Variants in C19orf44 observed in about 807,000 individuals in gnomAD.
C19orf44 encodes the protein uncharacterized protein C19orf44.
A neutral mutation model predicts 50.7 loss-of-function variants in C19orf44; 43 were observed. The observed-to-expected ratio is 0.85, with a 90% CI of 0.66 to 1.09. C19orf44 has a LOEUF of 1.09. Among genes scored for constraint, C19orf44 ranks in the 50% least tolerant of loss-of-function variants. C19orf44 has a pLI of 0.00. For synonymous variants in C19orf44, 298 were observed against 334.7 expected (o/e 0.89, Z 1.20); for missense variants, 722 against 836.2 (o/e 0.86, Z 1.68).
At position 16,503,414 on chromosome 19, in the gene C19orf44, G is replaced by A. The variant is rs2093431741; in HGVS notation, c.1075+34G>A. 1.9e-6 allele frequency: 3 copies of A among 1,576,948 alleles called. No homozygotes were observed. In the African/African-American group the frequency reaches 4.0e-5, roughly 21 times the overall value. On this transcript the variant is annotated intron_variant, in intron 3 of 8. Coordinates refer to ENST00000221671, the MANE Select transcript of C19orf44 (RefSeq NM_032207.4). ...AGTCCCGGTGCAAAGCCAGTACCTT[G>A]GGCAGGAAGGGTGGGGCCACCTTTA... is the stretch of plus-strand genomic sequence containing the variant.
At chr19:16,516,265 A>G (rs2093471412) in intron 7 of C19orf44, among the ~76,000 whole-genome samples, 1 of 152,102 alleles carries the variant, frequency 6.6e-6, no homozygotes, top group African/African-American at 2.4e-5. Flanking sequence ...GCAAGACTCC[A>G]TCTCTATTAA....
chr19:16,511,676 G>A lies in C19orf44; in HGVS notation c.1640-1338G>A, dbSNP rs547205392. Among the ~76,000 whole-genome samples the A allele has an allele frequency of 2.1e-3, 316 of 152,078 alleles. 1 individual carries two copies. Among genetic ancestry groups the A allele is most frequent in the African/African-American group, 7.4e-3 (307 of 41,506 alleles). ...GCCCACTGCCTCCTCCACCTCCTGG[G>A]TTTCAGCGATTCTCCCACCTCAGCC... On this transcript the variant is annotated intron_variant, in intron 5 of 8. Transcript: ENST00000221671.
rs750592976 is a variant in C19orf44, at chr19:16,501,266, TC to T, written c.476del (p.Pro159LeufsTer16). ...KTSQNQAREL[P>X]VTENNAQNAK... Reference sequence around the variant, plus strand: ...CTTCCCAGAATCAAGCCCGTGAACTTCCTGTCACCGAAAATAATGCACAGAA... The same window carrying T: ...CTTCCCAGAATCAAGCCCGTGAACTTCTGTCACCGAAAATAATGCACAGAA... On this transcript the variant is annotated frameshift_variant, in exon 2 of 9. Coordinates refer to ENST00000221671, the MANE Select transcript of C19orf44 (RefSeq NM_032207.4). LOFTEE classifies it high-confidence loss of function. The T allele has an allele frequency of 1.9e-6, 3 of 1,614,106 alleles. No individual in the cohort carries two copies. The highest frequency in any genetic ancestry group is 1.1e-5 in the South Asian group (1 of 91,070).
intron 1 of C19orf44, 167 bp downstream of exon 1, chr19:16,496,632 C>T (rs2093410117): frequency 1.2e-5 from 2 of 170,340 alleles, no homozygotes; most frequent in South Asian, 1.1e-4. Context: ...CTGCGCGGGT[C>T]GCTTCATAGC....
At chr19:16,511,016 G>A (rs998754640) in intron 5 of C19orf44, among the ~76,000 whole-genome samples, 3 of 151,180 alleles carry the variant, frequency 2.0e-5, no homozygotes, top group Non-Finnish European at 4.4e-5. Flanking sequence ...GATTACAGGC[G>A]TGAGCCACTG....
rs1041420473 is a variant in C19orf44, at chr19:16,500,703, C to T, written c.-1-89C>T. 13 of 1,305,752 alleles carry T rather than the reference C, an allele frequency of 1.0e-5. No individual in the cohort carries two copies. The African/African-American group carries it at 1.6e-4, about 16-fold the overall frequency. The allele number at this position is 1,305,752 out of a possible 1,614,324, so 80.9% of individuals were successfully genotyped here. On this transcript the variant is annotated intron_variant, in intron 1 of 8. Transcript: ENST00000221671. ...AAGACTGTGGCTGGGTTGCAAAAGACAGTGTGAGCTTTTGCCAAGTAGGAG... is the reference window on the plus strand; with the variant it reads ...AAGACTGTGGCTGGGTTGCAAAAGATAGTGTGAGCTTTTGCCAAGTAGGAG...
intron 7 of C19orf44, 136 bp from the exon 8 acceptor site, chr19:16,517,094 C>A: frequency 1.3e-6 from 1 of 766,676 alleles, no homozygotes; most frequent in Non-Finnish European, 2.2e-6. Flanking sequence ...TCACACACAT[C>A]CTGTGGTTTT....
rs768163311 is a variant in C19orf44, at chr19:16,501,090, C to T, written c.298C>T (p.Leu100=). ...ANAALMKLAQ[L]ETRIMNRKLQ... ...TGCCGCACTCATGAAGCTGGCCCAG[C>T]TGGAAACCCGGATCATGAATCGGAA... The change falls in exon 2 of 9, where the codon CTG becomes TTG. Residue 100 remains leucine, a synonymous_variant. Transcript: ENST00000221671. The T allele has an allele frequency of 1.9e-6, 3 of 1,614,124 alleles. No homozygotes were observed. Among genetic ancestry groups the T allele is most frequent in the Non-Finnish European group, 1.7e-6 (2 of 1,180,034 alleles).
At chr19:16,497,639 G>T (rs1317276453) in intron 1 of C19orf44, among the ~76,000 whole-genome samples, 2 of 152,128 alleles carry the variant, frequency 1.3e-5, no homozygotes, top group East Asian at 1.9e-4. Flanking sequence ...GTGAGCCACT[G>T]CGCCCGGCTT....
chr19:16,514,440 G>GT, intron 6 of C19orf44, 57 bp from the exon 7 acceptor site: 16 of 1,499,892 alleles, frequency 1.1e-5, no homozygotes, highest in Non-Finnish European at 1.4e-5. Flanking sequence ...GTGGGGGGGG[G>GT]GCTGCAGAAT....
Position 16,520,118 on chromosome 19 carries a change from T to A in C19orf44, c.*65T>A. The stretch of plus-strand genomic sequence containing the variant: ...GCAAAGCACCGCAGCTTCCCAGAGT[T>A]ACCAGCGCAGCACTTAAGACAGGAT... On this transcript the variant is annotated 3_prime_UTR_variant, in exon 9 of 9. Transcript: ENST00000221671. The surrounding 1 kb of genome is among the most constrained non-coding windows in gnomAD (Gnocchi z 4.0). The A allele has an allele frequency of 1.3e-6, 2 of 1,596,318 alleles. No individual in the cohort carries two copies. Among genetic ancestry groups the A allele is most frequent in the Non-Finnish European group, 1.7e-6 (2 of 1,166,366 alleles).
chr19:16,519,707 G>A lies in C19orf44; in HGVS notation c.*41-387G>A. On this transcript the variant is annotated intron_variant, in intron 8 of 8. Transcript: ENST00000221671. The surrounding 1 kb of genome is among the most constrained non-coding windows in gnomAD (Gnocchi z 6.0). ...AGGCGCCGAATTAGAACCCAGACCA[G>A]CAGAGGAACTAAAATCGAGACAGGT... 2 of 1,613,380 alleles carry A rather than the reference G, an allele frequency of 1.2e-6. No individual in the cohort carries two copies. Among genetic ancestry groups the A allele is most frequent in the Middle Eastern group, 1.7e-4 (1 of 6,060 alleles).
At position 16,514,677 on chromosome 19, in the gene C19orf44, C is replaced by G; in HGVS notation, c.1902+14C>G. ...GAAGCCAAAGAGGTGAGCGCAGCTCCCCATGGGCAGGGGCAGGGCAGTAGG... is the reference window on the plus strand; with the variant it reads ...GAAGCCAAAGAGGTGAGCGCAGCTCGCCATGGGCAGGGGCAGGGCAGTAGG... On this transcript the variant is annotated intron_variant, in intron 7 of 8. Transcript: ENST00000221671. 2.6e-6 allele frequency: 4 copies of G among 1,552,512 alleles called. No homozygotes were observed. The highest frequency in any genetic ancestry group is 2.6e-6 in the Non-Finnish European group (3 of 1,147,916).
At position 16,503,111 on chromosome 19, in the gene C19orf44, C is replaced by G; in HGVS notation, c.806C>G (p.Ser269Cys). 6.2e-7 allele frequency: 1 copy of G among 1,614,124 alleles called. No individual in the cohort carries two copies. Among genetic ancestry groups the G allele is most frequent in the Non-Finnish European group, 8.5e-7 (1 of 1,180,038 alleles). Residue 269 changes from serine to cysteine, a missense_variant, in exon 3 of 9, where the codon TCC becomes TGC. Transcript: ENST00000221671. ...TTTACTGTACCCAGCGTGGAACTCT[C>G]CAGCGCAAAGCCTTCTCAGACATCA... Reference protein sequence around the residue: ...RAFTVPSVELSSAKPSQTSHL... With the variant: ...RAFTVPSVELCSAKPSQTSHL...
At position 16,520,653 on chromosome 19, in the gene C19orf44, T is replaced by C; in HGVS notation, c.*600T>C. The C allele has an allele frequency of 4.2e-6, 5 of 1,176,726 alleles. No individual in the cohort carries two copies. The highest frequency in any genetic ancestry group is 6.1e-6 in the Non-Finnish European group (5 of 816,568). The allele number at this position is 1,176,726 out of a possible 1,614,324, so 72.9% of individuals were successfully genotyped here. ...AGCCACAGCAACGGTACCAAGTTCCTAAATAGTGTGGCCGAGCCTGCTGCT... is the reference window on the plus strand; with the variant it reads ...AGCCACAGCAACGGTACCAAGTTCCCAAATAGTGTGGCCGAGCCTGCTGCT... On this transcript the variant is annotated 3_prime_UTR_variant, in exon 9 of 9. Transcript: ENST00000221671. This position sits in a 1 kb window ranked among gnomAD's most constrained non-coding sequence, Gnocchi z 4.0.
At chr19:16,511,093 G>A (rs1281323673) in intron 5 of C19orf44, among the ~76,000 whole-genome samples, 1 of 151,224 alleles carries the variant, frequency 6.6e-6, no homozygotes, top group Non-Finnish European at 1.5e-5. Context: ...CTGGAGTGTA[G>A]TGGTGCGATC....
chr19:16,500,023 G>A (rs1018585726), intron 1 of C19orf44, among the ~76,000 whole-genome samples: 20 of 152,100 alleles, frequency 1.3e-4, no homozygotes, highest in African/African-American at 4.6e-4. Flanking sequence ...TTATGACCTC[G>A]TGATCCACCC....
Position 16,519,525 on chromosome 19 carries a change from A to C in C19orf44, c.*41-569A>C, listed in dbSNP as rs1437394345. The stretch of plus-strand genomic sequence containing the variant: ...AGTCAGAACCGGCCTGACTCCATCC[A>C]TCCCCACATGCACTGAGGAAGAGAA... On this transcript the variant is annotated intron_variant, in intron 8 of 8. Transcript: ENST00000221671. This position sits in a 1 kb window ranked among gnomAD's most constrained non-coding sequence, Gnocchi z 6.0. 11 of 1,305,692 alleles carry C rather than the reference A, an allele frequency of 8.4e-6. No individual in the cohort carries two copies. In the East Asian group the frequency reaches 2.3e-4, roughly 28 times the overall value. The allele number at this position is 1,305,692 out of a possible 1,614,324, so 80.9% of individuals were successfully genotyped here.
Position 16,519,832 on chromosome 19 carries a change from C to T in C19orf44, c.*41-262C>T, listed in dbSNP as rs1465785727. The T allele has an allele frequency of 5.4e-6, 5 of 917,822 alleles. No individual in the cohort carries two copies. Among genetic ancestry groups the T allele is most frequent in the South Asian group, 2.7e-5 (2 of 72,978 alleles). The allele number at this position is 917,822 out of a possible 1,614,324, so 56.9% of individuals were successfully genotyped here. A position where few individuals can be genotyped will look rare whatever the true frequency, so the allele number is the denominator to read the frequency against. On this transcript the variant is annotated intron_variant, in intron 8 of 8. Coordinates refer to ENST00000221671, the MANE Select transcript of C19orf44 (RefSeq NM_032207.4). This position sits in a 1 kb window ranked among gnomAD's most constrained non-coding sequence, Gnocchi z 6.0. ...CATGCTCACTGTCACCAGGTGACAC[C>T]GTATGCAGATTTTGCGTCTCTACCC...
Sources: gnomAD v4.1 joint callset for allele counts (sites outside exome capture counted in the v4.1 genomes callset) on GRCh38, gnomAD v4.1.1 for gene constraint, Gnocchi (gnomAD v3.1) non-coding constraint, MANE v1.5 for transcripts, NCBI Gene and HGNC (gene_info 2026-07-23, HGNC 2026-07-21) for gene names.